The following PANX1 variants were observed in gnomAD, a reference collection of about 807,000 sequenced individuals.
PANX1 encodes pannexin 1, also known as pannexin-1.
Under a neutral mutation model 38.7 loss-of-function variants are expected in PANX1, and 30 were observed. That is an observed-to-expected ratio of 0.78 (90% CI 0.58 to 1.05). The LOEUF is 1.05. Ranked by LOEUF, PANX1 falls within the 50% of genes least tolerant of loss-of-function variation. The pLI, the probability that PANX1 is intolerant of heterozygous loss-of-function variation, is 0.00. For synonymous variants in PANX1, 230 were observed against 212.2 expected, an observed-to-expected ratio of 1.08 and a Z score of -0.73; for missense variants, 551 against 517.2, an observed-to-expected ratio of 1.07 and a Z score of -0.63.
At chr11:94,176,530 A>G (rs1947234193) in intron 2 of PANX1, among the ~76,000 whole-genome samples, 1 of 151,658 alleles carries the variant, frequency 6.6e-6, no homozygotes, top group African/African-American at 2.4e-5. Flanking sequence ...TCACAGAAAT[A>G]TGAGTCATTA....
chr11:94,175,067 T>C (rs1291960233), intron 2 of PANX1, among the ~76,000 whole-genome samples: 1 of 151,714 alleles, frequency 6.6e-6, no homozygotes, highest in East Asian at 1.9e-4. Context: ...ATGCTGAGCA[T>C]CCCAGGCCTA....
In PANX1 at chr11:94,179,831, G is replaced by A. The variant is rs749015536; in HGVS notation, c.775G>A (p.Val259Met). The A allele has an allele frequency of 8.7e-6, 14 of 1,614,096 alleles. No homozygotes were observed. The highest frequency in any genetic ancestry group is 2.2e-5 in the South Asian group (2 of 91,078). Residue 259 changes from valine (V) to methionine (M), a missense_variant, in exon 4 of 5, where the codon GTG becomes ATG. Coordinates refer to ENST00000227638, the MANE Select transcript of PANX1 (RefSeq NM_015368.4). ...KSGILRNDST[V>M]PDQFQCKLIA... ...AGGGATCCTGAGAAACGACAGCACC[G>A]TGCCCGATCAGTTTCAGTGCAAACT... is the stretch of plus-strand genomic sequence containing the variant.
intron 1 of PANX1, among the ~76,000 whole-genome samples, chr11:94,136,931 C>T (rs1403872253): frequency 1.3e-5 from 2 of 151,978 alleles, no homozygotes; most frequent in Admixed American, 6.6e-5. Context: ...TCTGGGGAGG[C>T]CTCGGGAAAC....
intron 2 of PANX1, among the ~76,000 whole-genome samples, chr11:94,176,061 A>G (rs573182872): frequency 6.6e-6 from 1 of 151,780 alleles, no homozygotes; most frequent in South Asian, 2.1e-4. Flanking sequence ...TAGCATTAAG[A>G]AAGTTTTTAT....
intron 1 of PANX1, among the ~76,000 whole-genome samples, chr11:94,143,604 A>G (rs370238424): frequency 1.1e-3 from 173 of 152,328 alleles, no homozygotes; most frequent in African/African-American, 3.8e-3. Flanking sequence ...GTTGCTGGGA[A>G]GTAAAAGAGA....
intron 3 of PANX1, 60 bp from the exon 4 acceptor site, chr11:94,179,542 C>G (rs1346170721): frequency 1.6e-6 from 2 of 1,266,130 alleles, no homozygotes; most frequent in Non-Finnish European, 1.1e-6. Context: ...GTGTATCTGC[C>G]TTTAATATTT....
intron 2 of PANX1, among the ~76,000 whole-genome samples, chr11:94,177,902 T>G (rs1230024724): frequency 6.6e-6 from 1 of 151,902 alleles, no homozygotes; most frequent in Non-Finnish European, 1.5e-5. Flanking sequence ...TCTAATTTGT[T>G]TTGGGGGAAG....
At chr11:94,132,802 G>T (rs1946645938) in intron 1 of PANX1, among the ~76,000 whole-genome samples, 2 of 151,992 alleles carry the variant, frequency 1.3e-5, no homozygotes, top group Non-Finnish European at 2.9e-5. Flanking sequence ...GATAAAATAG[G>T]GTTCAAGTTG....
chr11:94,179,128 C>G (rs537751315), intron 3 of PANX1, among the ~76,000 whole-genome samples: 3 of 152,266 alleles, frequency 2.0e-5, no homozygotes, highest in Admixed American at 6.5e-5. Flanking sequence ...TACATTATCT[C>G]CTTTAACCCT....
intron 2 of PANX1, among the ~76,000 whole-genome samples, chr11:94,177,959 A>C (rs1189065011): frequency 6.6e-6 from 1 of 151,492 alleles, no homozygotes; most frequent in Admixed American, 6.6e-5. Context: ...TAGGGCAAAA[A>C]TGGAGCCGTA....
At position 94,129,293 on chromosome 11, in the gene PANX1, G is replaced by T. The variant is rs752323855; in HGVS notation, c.-20G>T. On this transcript the variant is annotated 5_prime_UTR_variant, in exon 1 of 5. Transcript: ENST00000227638. The stretch of plus-strand genomic sequence containing the variant: ...CCGGCTGTACCCGGACCTCCTGGTC[G>T]AGCCTGGCGCGCCGCAGCCATGGCC... The T allele has an allele frequency of 1.3e-6, 2 of 1,591,020 alleles. No individual in the cohort carries two copies. Among genetic ancestry groups the T allele is most frequent in the Non-Finnish European group, 1.7e-6 (2 of 1,163,024 alleles).
rs945084950 is a variant in PANX1 at position 94,175,666 on chromosome 11, G to A, written c.322-2703G>A. On this transcript the variant is annotated intron_variant, in intron 2 of 4. Transcript: ENST00000227638. ...TGGTTATGGAAGCAGCAGAAACTCT[G>A]TGTCATGCACTTATGTTTTTAAACT... The A allele has an allele frequency of 4.9e-6, 4 of 809,546 alleles. 1 individual carries two copies. The African/African-American group carries it at 7.6e-5, about 15-fold the overall frequency. 50.1% of individuals were successfully genotyped at this position (809,546 alleles called of 1,614,324 possible).
chr11:94,177,409 A>C (rs1220896483), intron 2 of PANX1, among the ~76,000 whole-genome samples: 1 of 151,910 alleles, frequency 6.6e-6, no homozygotes, highest in Non-Finnish European at 1.5e-5. Context: ...TCAAGGGCCT[A>C]GACCAGGGTC....
At chr11:94,151,928 T>C (rs1946886588) in intron 1 of PANX1, among the ~76,000 whole-genome samples, 2 of 152,176 alleles carry the variant, frequency 1.3e-5, no homozygotes, top group South Asian at 4.1e-4. Flanking sequence ...GAAGAAATGC[T>C]CAGGGCTTTG....
intron 1 of PANX1, among the ~76,000 whole-genome samples, chr11:94,144,384 G>A (rs375050027): frequency 5.3e-5 from 8 of 151,872 alleles, no homozygotes; most frequent in Non-Finnish European, 8.8e-5. Context: ...TGATGATGTC[G>A]TTTTTTTGAT....
chr11:94,166,420 G>C (rs1463688564), intron 2 of PANX1, among the ~76,000 whole-genome samples: 6 of 152,154 alleles, frequency 3.9e-5, no homozygotes, highest in Non-Finnish European at 8.8e-5. Context: ...GGATAACTTT[G>C]CTGGTGATGA....
chr11:94,162,840 C>CT (rs1947061316), intron 2 of PANX1, among the ~76,000 whole-genome samples: 1 of 150,280 alleles, frequency 6.7e-6, no homozygotes, highest in Non-Finnish European at 1.5e-5. Flanking sequence ...GGAGCTGTTC[C>CT]TATTCGGCCA....
chr11:94,151,500 T>A (rs1338189575), intron 1 of PANX1, among the ~76,000 whole-genome samples: 1 of 152,216 alleles, frequency 6.6e-6, no homozygotes, highest in Non-Finnish European at 1.5e-5. Context: ...TGGACAGATA[T>A]TCCCAAGCAA....
intron 1 of PANX1, among the ~76,000 whole-genome samples, chr11:94,150,995 C>G (rs1316245196): frequency 6.6e-6 from 1 of 152,158 alleles, no homozygotes; most frequent in African/African-American, 2.4e-5. Flanking sequence ...ATGAATGCTG[C>G]TACCATTCAC....
Sources: gnomAD v4.1 joint callset for allele counts (sites outside exome capture counted in the v4.1 genomes callset) on GRCh38, gnomAD v4.1.1 for gene constraint, MANE v1.5 for transcripts, NCBI Gene and HGNC (gene_info 2026-07-23, HGNC 2026-07-21) for gene names.